Variants in APEH observed in about 807,000 individuals in gnomAD.
The protein encoded by APEH is acylamino-acid-releasing enzyme.
In APEH, 75 loss-of-function variants were observed where a neutral mutation model predicts 102.7. The observed-to-expected ratio is 0.73, with a 90% CI of 0.61 to 0.89. The LOEUF (loss-of-function observed/expected upper bound fraction) is 0.89. APEH is among the 40% of genes least tolerant of loss of function. The pLI is 0.00. For missense variants in APEH, 863 were observed against 941.2 expected (o/e 0.92, Z 1.09); for synonymous variants, 344 against 362.7 (o/e 0.95, Z 0.59).
intron 14 of APEH, 97 bp from the exon 15 acceptor site, chr3:49,681,004 C>T: frequency 6.9e-7 from 1 of 1,446,638 alleles, no homozygotes; most frequent in Non-Finnish European, 9.2e-7. Flanking sequence ...GGGTAGAGGG[C>T]CCAGCATAGT....
rs1165187765 is a variant in APEH, at chr3:49,676,380, G to T, written c.609G>T (p.Gly203=). 2 of 1,614,062 alleles carry T rather than the reference G, an allele frequency of 1.2e-6. No homozygotes were observed. The highest frequency in any genetic ancestry group is 2.7e-5 in the African/African-American group (2 of 74,932). Residue 203 remains glycine, a splice_region_variant and synonymous_variant, in exon 7 of 22, where the codon GGG becomes GGT. Coordinates refer to ENST00000296456, the MANE Select transcript of APEH (RefSeq NM_001640.4). The part of the protein sequence containing the change: ...RLKKPDQAIK[G]DQFVFYEDWG... ...CATTGAGTATCTTGTGTTCTCAGGG[G>T]GATCAGTTTGTGTTTTATGAAGACT... is the stretch of plus-strand genomic sequence containing the variant.
intron 2 of APEH, 101 bp downstream of exon 2, chr3:49,674,722 A>G: frequency 3.4e-6 from 5 of 1,458,882 alleles, no homozygotes; most frequent in South Asian, 1.2e-5. Context: ...GTAAGGGTAT[A>G]TAGGGAGCCG....
At chr3:49,675,596 C>T (rs1009584088) in intron 3 of APEH, 98 bp from the exon 4 acceptor site, 2 of 1,258,948 alleles carry the variant, frequency 1.6e-6, no homozygotes, top group African/African-American at 3.0e-5. Context: ...TGGTGTGGGG[C>T]CAGAGCCTCA....
At position 49,679,090 on chromosome 3, in the gene APEH, G is replaced by C; in HGVS notation, c.1158+141G>C. On this transcript the variant is annotated intron_variant, in intron 12 of 21. Transcript: ENST00000296456. The surrounding 1 kb of genome is among the most constrained non-coding windows in gnomAD (Gnocchi z 4.3). Reference sequence around the variant, plus strand: ...CTTAAAACCCTGCCTGCCCATCCTGGACTCATTTCTCCTGGAGGGGACTGG... The same window carrying C: ...CTTAAAACCCTGCCTGCCCATCCTGCACTCATTTCTCCTGGAGGGGACTGG... The C allele has an allele frequency of 1.5e-6, 1 of 676,106 alleles. No individual in the cohort carries two copies. Among genetic ancestry groups the C allele is most frequent in the Non-Finnish European group, 2.5e-6 (1 of 402,136 alleles). 41.9% of individuals were successfully genotyped at this position (676,106 alleles called of 1,614,324 possible). A position where few individuals can be genotyped will look rare whatever the true frequency, so the allele number is the denominator to read the frequency against.
At chr3:49,681,681 C>A in intron 15 of APEH, 41 bp from the exon 16 acceptor site, 1 of 1,484,482 alleles carries the variant, frequency 6.7e-7, no homozygotes, top group Non-Finnish European at 9.1e-7. Flanking sequence ...GTTGGGGAAG[C>A]CCCTAGGCTC....
At position 49,679,022 on chromosome 3, in the gene APEH, A is replaced by T; in HGVS notation, c.1158+73A>T. ...CAGGAGCCCTGGGGGTTGCATGTGC[A>T]TGCCCCTGGGTGGAATGCCCAGCCA... On this transcript the variant is annotated intron_variant, in intron 12 of 21. Transcript: ENST00000296456. This position sits in a 1 kb window ranked among gnomAD's most constrained non-coding sequence, Gnocchi z 4.3. The T allele has an allele frequency of 7.7e-7, 1 of 1,292,362 alleles. No homozygotes were observed. Among genetic ancestry groups the T allele is most frequent in the Non-Finnish European group, 1.1e-6 (1 of 902,602 alleles). The allele number at this position is 1,292,362 out of a possible 1,614,324, so 80.1% of individuals were successfully genotyped here. A position where few individuals can be genotyped will look rare whatever the true frequency, so the allele number is the denominator to read the frequency against.
chr3:49,673,181 C>G (rs1162459724), upstream of APEH, among the ~76,000 whole-genome samples: 1 of 138,880 alleles, frequency 7.2e-6, no homozygotes, highest in African/African-American at 2.7e-5. Context: ...ACAGGCCAGA[C>G]AAGTGGACTC....
chr3:49,674,717 G>T, intron 2 of APEH, 96 bp downstream of exon 2: 1 of 1,477,258 alleles, frequency 6.8e-7, no homozygotes, highest in Non-Finnish European at 9.1e-7. Context: ...AGTGCGTAAG[G>T]GTATATAGGG....
chr3:49,677,438 A>G (rs1179054346), intron 10 of APEH, 135 bp from the exon 11 acceptor site: 3 of 830,154 alleles, frequency 3.6e-6, no homozygotes, highest in Non-Finnish European at 6.1e-6. Flanking sequence ...GTCACCAGAA[A>G]AGAGATACAT....
chr3:49,673,347 A>T (rs1439767144), upstream of APEH, among the ~76,000 whole-genome samples: 1 of 151,856 alleles, frequency 6.6e-6, no homozygotes, highest in Non-Finnish European at 1.5e-5. Context: ...TGCACAGGGA[A>T]CCTGCCTGCC....
chr3:49,675,130 A>G, intron 2 of APEH, 53 bp from the exon 3 acceptor site: 1 of 1,611,038 alleles, frequency 6.2e-7, no homozygotes, highest in Non-Finnish European at 8.5e-7. Context: ...GGCTGGGGGC[A>G]GTAGCCAGGA....
chr3:49,676,031 C>A lies in APEH; in HGVS notation c.443-25C>A, dbSNP rs1234646058. On this transcript the variant is annotated intron_variant, in intron 5 of 21. Coordinates refer to ENST00000296456, the MANE Select transcript of APEH (RefSeq NM_001640.4). ...GGGGTAGCCGTAGCCCTGGGCCCCC[C>A]CTGATTGGCCCTCCCTGCACCCAGA... The A allele has an allele frequency of 8.7e-6, 14 of 1,614,056 alleles. No homozygotes were observed. The East Asian group carries it at 2.7e-4, about 31-fold the overall frequency.
At chr3:49,678,774 C>T in intron 11 of APEH, 78 bp from the exon 12 acceptor site, 1 of 1,255,900 alleles carries the variant, frequency 8.0e-7, no homozygotes, top group Non-Finnish European at 1.2e-6. Flanking sequence ...GTGAATTCCC[C>T]AGTACCCTAG....
rs1366158142 is a variant in APEH, at chr3:49,676,604, T to G, written c.745-5T>G. ...CTCACTCCTGCCCTTTGATCCTGTTTACAGGCATTTTGGGCCCCTGGAGAT... is the reference window on the plus strand; with the variant it reads ...CTCACTCCTGCCCTTTGATCCTGTTGACAGGCATTTTGGGCCCCTGGAGAT... On this transcript the variant is annotated splice_region_variant and splice_polypyrimidine_tract_variant and intron_variant, in intron 7 of 21. Coordinates refer to ENST00000296456, the MANE Select transcript of APEH (RefSeq NM_001640.4). 1.2e-6 allele frequency: 2 copies of G among 1,614,254 alleles called. No individual in the cohort carries two copies.
Position 49,683,495 on chromosome 3 carries a change from G to T in APEH, c.*153G>T. On this transcript the variant is annotated 3_prime_UTR_variant, in exon 22 of 22. Coordinates refer to ENST00000296456, the MANE Select transcript of APEH (RefSeq NM_001640.4). ...TGGGCTATGTAGTCATAATAAATTAGGACACAGAGCCTGGTTCCTGCTGGT... is the reference window on the plus strand; with the variant it reads ...TGGGCTATGTAGTCATAATAAATTATGACACAGAGCCTGGTTCCTGCTGGT... 2 of 662,950 alleles carry T rather than the reference G, an allele frequency of 3.0e-6. No individual in the cohort carries two copies. Among genetic ancestry groups the T allele is most frequent in the South Asian group, 3.7e-5 (2 of 54,606 alleles). The allele number at this position is 662,950 out of a possible 1,614,324, so 41.1% of individuals were successfully genotyped here. A position where few individuals can be genotyped will look rare whatever the true frequency, so the allele number is the denominator to read the frequency against.
chr3:49,681,158 G>C lies in APEH; in HGVS notation c.1357G>C (p.Glu453Gln). ...GCAGTCAGTGTTGTGGGTGTCCCTG[G>C]AGGAGGCCGAGCCCATTCCCGACAT... ...KEQSVLWVSL[E>Q]EAEPIPDIHW... The change falls in exon 15 of 22, where the codon GAG becomes CAG. Residue 453 changes from glutamate (E) to glutamine (Q), a missense_variant. Physicochemically the swap from Glu to Gln is conservative, Grantham distance 29. Transcript: ENST00000296456. 1.2e-6 allele frequency: 2 copies of C among 1,611,094 alleles called. No individual in the cohort carries two copies. Among genetic ancestry groups the C allele is most frequent in the Non-Finnish European group, 1.7e-6 (2 of 1,178,480 alleles).
rs931042814 is a variant in APEH at position 49,676,354 on chromosome 3, G to T, written c.607-24G>T. On this transcript the variant is annotated intron_variant, in intron 6 of 21. Coordinates refer to ENST00000296456, the MANE Select transcript of APEH (RefSeq NM_001640.4). ...AGAGCAGGTCCTATAGACAGGCTGG[G>T]CATTGAGTATCTTGTGTTCTCAGGG... The T allele has an allele frequency of 6.8e-6, 11 of 1,613,996 alleles. No homozygotes were observed. The East Asian group carries it at 1.3e-4, about 20-fold the overall frequency.
intron 2 of APEH, 80 bp from the exon 3 acceptor site, chr3:49,675,103 C>T (rs1391465949): frequency 3.0e-5 from 47 of 1,583,446 alleles, no homozygotes; most frequent in Non-Finnish European, 3.5e-5. Flanking sequence ...AGATCTAGGC[C>T]TTCCTGGGTC....
At chr3:49,681,664 G>A (rs560155158) in intron 15 of APEH, 58 bp from the exon 16 acceptor site, 8 of 1,405,414 alleles carry the variant, frequency 5.7e-6, no homozygotes, top group Non-Finnish European at 7.7e-6. Context: ...CTAGAGATGG[G>A]GCCTTAGTTG....
Sources: allele counts gnomAD v4.1 joint callset (sites outside exome capture counted in the v4.1 genomes callset), GRCh38; gene constraint gnomAD v4.1.1; non-coding constraint Gnocchi (gnomAD v3.1); transcripts MANE v1.5; gene names NCBI Gene and HGNC (gene_info 2026-07-23, HGNC 2026-07-21).